The following CMIP variants were observed in gnomAD, a reference collection of about 807,000 sequenced individuals.
The protein encoded by CMIP is C-Maf-inducing protein.
Under a neutral mutation model 97.3 loss-of-function variants are expected in CMIP, and 13 were observed. That is an observed-to-expected ratio of 0.13 (90% CI 0.09 to 0.21). CMIP has a LOEUF of 0.21. Ranked by LOEUF, CMIP falls within the 10% of genes least tolerant of loss-of-function variation. The pLI is 1.00. For synonymous variants in CMIP, 538 were observed against 436.3 expected (o/e 1.23, Z -2.91); for missense variants, 847 against 1,024.9 (o/e 0.83, Z 2.37).
At chr16:81,645,299 G>A in intron 3 of CMIP, 1 of 1,130,844 alleles carries the variant, frequency 8.8e-7, no homozygotes. Context: ...AGTGCCATGG[G>A]CGCGCCCGTG....
intron 7 of CMIP, among the ~76,000 whole-genome samples, chr16:81,668,049 A>T (rs1437479791): frequency 6.6e-6 from 1 of 152,056 alleles, no homozygotes; most frequent in Admixed American, 6.6e-5. Flanking sequence ...AGTGGTAGGA[A>T]CGGGTTCCAC....
rs142994454 is a variant in CMIP, at chr16:81,553,196, G to A, written c.301-54371G>A. 1.2e-4 allele frequency among the ~76,000 whole-genome samples: 18 copies of A among 152,236 alleles called. No homozygotes were observed. The East Asian group carries it at 3.1e-3, about 26-fold the overall frequency. On this transcript the variant is annotated intron_variant, in intron 1 of 20. Transcript: ENST00000537098. Reference sequence around the variant, plus strand: ...TTCCACCCTGACTGTGGCCTGCTCCGTTTCGCAGATTGCTCATCCCCATTC... The same window carrying A: ...TTCCACCCTGACTGTGGCCTGCTCCATTTCGCAGATTGCTCATCCCCATTC...
chr16:81,527,324 TAATG>T (rs1325797880), intron 1 of CMIP, among the ~76,000 whole-genome samples: 1 of 152,134 alleles, frequency 6.6e-6, no homozygotes, highest in Non-Finnish European at 1.5e-5. Flanking sequence ...TCGTCAGTAA[TAATG>T]ATAATGCCTG....
intron 13 of CMIP, among the ~76,000 whole-genome samples, chr16:81,694,338 C>T (rs1375757317): frequency 6.6e-6 from 1 of 152,164 alleles, no homozygotes; most frequent in Non-Finnish European, 1.5e-5. Context: ...CCCGGCAGAA[C>T]AGGGGGAAGG....
At chr16:81,525,994 G>C (rs374535301) in intron 1 of CMIP, among the ~76,000 whole-genome samples, 7,909 of 46,242 alleles carry the variant, frequency 0.17, 243 homozygotes, top group Middle Eastern at 0.2. Context: ...GTGTGTGTGT[G>C]TGTGTGTGTG....
At chr16:81,447,234 G>T (rs1905911651) in intron 1 of CMIP, among the ~76,000 whole-genome samples, 1 of 151,554 alleles carries the variant, frequency 6.6e-6, no homozygotes, top group Admixed American at 6.6e-5. Flanking sequence ...GACTTTATTG[G>T]GCTTTTTTTT....
chr16:81,685,577 C>G (rs892346204), intron 10 of CMIP, among the ~76,000 whole-genome samples: 3 of 151,974 alleles, frequency 2.0e-5, no homozygotes, highest in African/African-American at 7.2e-5. Flanking sequence ...TTTTGAGATA[C>G]TCTGTCACCG....
chr16:81,643,422 A>G (rs1189390626), intron 3 of CMIP, among the ~76,000 whole-genome samples: 2 of 152,238 alleles, frequency 1.3e-5, no homozygotes, highest in South Asian at 2.1e-4. Flanking sequence ...CTTGGAAGTG[A>G]TGGAGAAGTG....
intron 1 of CMIP, among the ~76,000 whole-genome samples, chr16:81,567,533 G>A (rs976720213): frequency 3.9e-5 from 6 of 152,218 alleles, no homozygotes; most frequent in African/African-American, 4.8e-5. Context: ...GGGATGCCAC[G>A]TCTCTGGGCC....
At chr16:81,668,117 G>T (rs542950922) in intron 7 of CMIP, among the ~76,000 whole-genome samples, 1 of 152,138 alleles carries the variant, frequency 6.6e-6, no homozygotes, top group Non-Finnish European at 1.5e-5. Flanking sequence ...CTCTATTTCT[G>T]TTCTACAGCT....
At chr16:81,656,097 A>T (rs879841735) in intron 4 of CMIP, among the ~76,000 whole-genome samples, 6 of 152,208 alleles carry the variant, frequency 3.9e-5, no homozygotes, top group Non-Finnish European at 7.3e-5. Context: ...ATCCTTTCAC[A>T]TGCCTGCATT....
At chr16:81,525,444 C>G (rs1318655426) in intron 1 of CMIP, among the ~76,000 whole-genome samples, 1 of 152,170 alleles carries the variant, frequency 6.6e-6, no homozygotes, top group Admixed American at 6.5e-5. Flanking sequence ...CCTCTGGCCC[C>G]TATTTTTATT....
intron 1 of CMIP, chr16:81,518,536 A>G (rs2089959754): frequency 6.6e-6 from 1 of 152,292 alleles, no homozygotes; most frequent in Non-Finnish European, 1.5e-5. Flanking sequence ...TACGCTGAGA[A>G]CCGTCCGGGC....
At chr16:81,683,844 C>G (rs937335581) in intron 10 of CMIP, among the ~76,000 whole-genome samples, 1 of 148,564 alleles carries the variant, frequency 6.7e-6, no homozygotes, top group African/African-American at 2.5e-5. Flanking sequence ...TCACTGCAAC[C>G]TCTGCCTCGC....
At chr16:81,556,217 G>C (rs116083748) in intron 1 of CMIP, among the ~76,000 whole-genome samples, 8 of 152,124 alleles carry the variant, frequency 5.3e-5, no homozygotes, top group Non-Finnish European at 1.0e-4. Context: ...TAGCCCGGGT[G>C]GGGTGGAAGG....
At chr16:81,489,398 A>G (rs570801587) in intron 1 of CMIP, among the ~76,000 whole-genome samples, 1 of 152,330 alleles carries the variant, frequency 6.6e-6, no homozygotes, top group East Asian at 1.9e-4. Flanking sequence ...GTACCACAAT[A>G]CACTGGTACT....
rs763009064 is a variant in CMIP, at chr16:81,640,288, C to G, written c.478-11915C>G. On this transcript the variant is annotated intron_variant, in intron 3 of 20. Coordinates refer to ENST00000537098, the MANE Select transcript of CMIP (RefSeq NM_198390.3). ...GCAAGAGCAGGATAGGACATCAGGCCCCCCCCCCCCCAATTCCCCAGGGAA... is the reference window on the plus strand; with the variant it reads ...GCAAGAGCAGGATAGGACATCAGGCGCCCCCCCCCCCAATTCCCCAGGGAA... Among the ~76,000 whole-genome samples the G allele has an allele frequency of 5.7e-3, 149 of 26,130 alleles. 1 individual carries two copies. In the East Asian group the frequency reaches 0.14, roughly 25 times the overall value. The allele number at this position is 26,130 out of a possible 152,430, so 17.1% of individuals were successfully genotyped here. A position where few individuals can be genotyped will look rare whatever the true frequency, so the allele number is the denominator to read the frequency against.
chr16:81,670,122 G>A lies in CMIP; in HGVS notation c.826-20G>A, dbSNP rs1311658905. 1.3e-6 allele frequency: 2 copies of A among 1,597,170 alleles called. No individual in the cohort carries two copies. Among genetic ancestry groups the A allele is most frequent in the East Asian group, 2.3e-5 (1 of 44,024 alleles). The stretch of plus-strand genomic sequence containing the variant: ...CCTGCCTAGCACCGTCCCGACTCCT[G>A]TCCTCTGCTGTCTCCACAGGACTTT... On this transcript the variant is annotated intron_variant, in intron 7 of 20. Transcript: ENST00000537098.
At chr16:81,706,658 G>T (rs1035375364) in intron 19 of CMIP, among the ~76,000 whole-genome samples, 1 of 152,220 alleles carries the variant, frequency 6.6e-6, no homozygotes, top group African/African-American at 2.4e-5. Flanking sequence ...ACGACGGGGG[G>T]ACCATCCGGG....
Sources: gnomAD v4.1 joint callset for allele counts (sites outside exome capture counted in the v4.1 genomes callset) on GRCh38, gnomAD v4.1.1 for gene constraint, MANE v1.5 for transcripts, NCBI Gene and HGNC (gene_info 2026-07-23, HGNC 2026-07-21) for gene names.